The following CDC14A variants were observed in gnomAD, a reference collection of about 807,000 sequenced individuals.
The protein encoded by CDC14A is cell division cycle 14A.
CDC14A carries 53 observed loss-of-function variants against 74.4 expected under a neutral mutation model. The ratio of observed to expected loss-of-function variants is 0.71; its 90% CI spans 0.57 to 0.89. The LOEUF is 0.89. Among genes scored for constraint, CDC14A ranks in the 40% least tolerant of loss-of-function variants. The pLI is 0.00. For missense variants in CDC14A, 646 were observed against 713.7 expected (o/e 0.91, Z 1.08); for synonymous variants, 247 against 258.4 (o/e 0.96, Z 0.43).
chr1:100,392,349 T>G (rs1416968099), intron 4 of CDC14A, among the ~76,000 whole-genome samples: 1 of 152,180 alleles, frequency 6.6e-6, no homozygotes, highest in Non-Finnish European at 1.5e-5. Context: ...AACAAACGTG[T>G]TTTTCCTGCA....
intron 1 of CDC14A, 61 bp from the exon 2 acceptor site, chr1:100,353,701 C>G: frequency 1.2e-6 from 1 of 836,058 alleles, no homozygotes; most frequent in Non-Finnish European, 2.0e-6. Context: ...TTACCACCCA[C>G]CTTCACTTCC....
At chr1:100,481,358 G>T (rs1343433595) in intron 10 of CDC14A, among the ~76,000 whole-genome samples, 2 of 152,156 alleles carry the variant, frequency 1.3e-5, no homozygotes, top group Non-Finnish European at 2.9e-5. Context: ...GTGGAGATGG[G>T]ATTGGGCTGG....
chr1:100,366,957 A>G (rs191541579), intron 2 of CDC14A, among the ~76,000 whole-genome samples: 2 of 152,304 alleles, frequency 1.3e-5, no homozygotes, highest in East Asian at 3.9e-4. Flanking sequence ...CTGAAATAAT[A>G]AAATGTCCGT....
intron 15 of CDC14A, 121 bp downstream of exon 15, chr1:100,499,383 A>G (rs765509914): frequency 6.2e-7 from 1 of 1,605,078 alleles, no homozygotes; most frequent in South Asian, 1.1e-5. Flanking sequence ...CTTCTGAGCG[A>G]TGCCTTCCCT....
chr1:100,377,134 G>A (rs541197476), intron 2 of CDC14A, among the ~76,000 whole-genome samples: 14 of 151,110 alleles, frequency 9.3e-5, no homozygotes, highest in African/African-American at 3.2e-4. Flanking sequence ...TCCACCTCCC[G>A]GGTTCAAGTG....
intron 9 of CDC14A, among the ~76,000 whole-genome samples, chr1:100,466,385 A>G (rs377183981): frequency 1.3e-3 from 199 of 152,326 alleles, no homozygotes; most frequent in African/African-American, 4.6e-3. Flanking sequence ...TAACAACGAT[A>G]GGCACTGGGT....
chr1:100,399,459 A>G (rs1658969407), intron 4 of CDC14A, among the ~76,000 whole-genome samples: 1 of 152,178 alleles, frequency 6.6e-6, no homozygotes, highest in Admixed American at 6.5e-5. Context: ...TTTATACTAA[A>G]TTTGGTATTA....
upstream of CDC14A, among the ~76,000 whole-genome samples, chr1:100,349,803 C>T (rs553333617): frequency 7.9e-5 from 12 of 152,156 alleles, no homozygotes; most frequent in East Asian, 2.3e-3. Flanking sequence ...GCTGGGATTG[C>T]AGGTGCCCGC....
At chr1:100,472,267 T>G (rs1571281500) in intron 10 of CDC14A, among the ~76,000 whole-genome samples, 1 of 152,324 alleles carries the variant, frequency 6.6e-6, no homozygotes, top group South Asian at 2.1e-4. Flanking sequence ...GTTGGAGATA[T>G]ACCTGTGAGT....
At chr1:100,374,288 C>T (rs1654917398) in intron 2 of CDC14A, among the ~76,000 whole-genome samples, 3 of 152,086 alleles carry the variant, frequency 2.0e-5, no homozygotes, top group Admixed American at 2.0e-4. Context: ...GTCTTTATAG[C>T]AGCATGATTT....
At chr1:100,356,079 G>T (rs1251707250) in intron 2 of CDC14A, among the ~76,000 whole-genome samples, 2 of 152,204 alleles carry the variant, frequency 1.3e-5, no homozygotes. Flanking sequence ...TCAGGGAACA[G>T]TAAGTCCTCC....
chr1:100,390,193 G>T (rs1476743561), intron 3 of CDC14A, among the ~76,000 whole-genome samples: 1 of 152,036 alleles, frequency 6.6e-6, no homozygotes, highest in East Asian at 1.9e-4. Flanking sequence ...TTTTTTAATG[G>T]TATTTTTCCA....
At chr1:100,518,155 C>G in intron 15 of CDC14A, 96 bp from the exon 16 acceptor site, 1 of 886,994 alleles carries the variant, frequency 1.1e-6, no homozygotes, top group Non-Finnish European at 1.9e-6. Flanking sequence ...TCATTGATCT[C>G]TAAGCTGTCT....
chr1:100,359,328 G>A (rs894197954), intron 2 of CDC14A, among the ~76,000 whole-genome samples: 1 of 152,188 alleles, frequency 6.6e-6, no homozygotes, highest in Non-Finnish European at 1.5e-5. Context: ...GAAGTATATT[G>A]CCTAAGGTCA....
At chr1:100,398,296 C>T (rs777230680) in intron 4 of CDC14A, among the ~76,000 whole-genome samples, 7 of 152,120 alleles carry the variant, frequency 4.6e-5, no homozygotes, top group Admixed American at 2.0e-4. Context: ...CACTTTTGTG[C>T]GTAGACCCTT....
chr1:100,518,327 C>T lies in CDC14A; in HGVS notation c.*47C>T. On this transcript the variant is annotated 3_prime_UTR_variant, in exon 16 of 16. Transcript: ENST00000336454. ...GCTGTTCTTCTCTTAGACACAATTT[C>T]TTCATCTGGACGAGCAGTGGAGAGG... 6.6e-7 allele frequency: 1 copy of T among 1,515,234 alleles called. No homozygotes were observed. The highest frequency in any genetic ancestry group is 9.2e-7 in the Non-Finnish European group (1 of 1,091,156). The allele number at this position is 1,515,234 out of a possible 1,614,324, so 93.9% of individuals were successfully genotyped here.
chr1:100,496,071 G>A lies in CDC14A; in HGVS notation c.1298+22G>A, dbSNP rs766811683. On this transcript the variant is annotated intron_variant, in intron 13 of 15. Transcript: ENST00000336454. ...TCAGGTACTGCCAATGAGGTTGAAT[G>A]TCTAGTAGCTTGTAAATATATGCTT... The A allele has an allele frequency of 1.0e-5, 16 of 1,599,894 alleles. No individual in the cohort carries two copies. The East Asian group carries it at 2.9e-4, about 29-fold the overall frequency.
intron 10 of CDC14A, 56 bp downstream of exon 10, chr1:100,468,150 C>T (rs1031969755): frequency 2.4e-5 from 38 of 1,595,056 alleles, no homozygotes; most frequent in Non-Finnish European, 3.3e-5. Context: ...CTTTCTACCT[C>T]TTGTTCCCCT....
At chr1:100,468,446 A>G (rs1427634678) in intron 10 of CDC14A, among the ~76,000 whole-genome samples, 3 of 149,682 alleles carry the variant, frequency 2.0e-5, no homozygotes, top group African/African-American at 7.3e-5. Context: ...GCATAATGAG[A>G]AAAAAAAAAC....
Sources: gnomAD v4.1 joint callset for allele counts (sites outside exome capture counted in the v4.1 genomes callset) on GRCh38, gnomAD v4.1.1 for gene constraint, MANE v1.5 for transcripts, NCBI Gene and HGNC (gene_info 2026-07-23, HGNC 2026-07-21) for gene names.